Variants in MARCHF1 observed in about 807,000 individuals in gnomAD.
MARCHF1 encodes E3 ubiquitin-protein ligase MARCHF1.
In MARCHF1, 40 loss-of-function variants were observed where a neutral mutation model predicts 54.2. The observed-to-expected ratio is 0.74, with a 90% CI of 0.57 to 0.96. The LOEUF (loss-of-function observed/expected upper bound fraction) is 0.96. Ranked by LOEUF, MARCHF1 falls within the 40% of genes least tolerant of loss-of-function variation. The pLI, the probability that MARCHF1 is intolerant of heterozygous loss-of-function variation, is 0.00. For missense variants in MARCHF1, 586 were observed against 656.5 expected (o/e 0.89, Z 1.17); for synonymous variants, 236 against 236.3 (o/e 1.00, Z 0.01).
At chr4:163,864,605 G>A (rs1750011768) in intron 3 of MARCHF1, among the ~76,000 whole-genome samples, 2 of 151,948 alleles carry the variant, frequency 1.3e-5, no homozygotes, top group South Asian at 4.1e-4. Context: ...CCCTATCACA[G>A]TAAGATGTTA....
intron 5 of MARCHF1, among the ~76,000 whole-genome samples, chr4:163,654,594 A>C (rs1228829946): frequency 6.6e-6 from 1 of 151,592 alleles, no homozygotes; most frequent in Non-Finnish European, 1.5e-5. Flanking sequence ...TTCTCATTCT[A>C]TAGTGTTCCT....
At chr4:163,706,534 T>C (rs145980533) in intron 4 of MARCHF1, among the ~76,000 whole-genome samples, 205 of 152,164 alleles carry the variant, frequency 1.3e-3, no homozygotes, top group African/African-American at 4.7e-3. Flanking sequence ...GGAATAAACT[T>C]AACAAGGACA....
At chr4:164,298,969 G>A (rs1296315376) in intron 1 of MARCHF1, among the ~76,000 whole-genome samples, 1 of 151,936 alleles carries the variant, frequency 6.6e-6, no homozygotes, top group Non-Finnish European at 1.5e-5. Context: ...TAAAATACAG[G>A]TGTATAAAAA....
intron 3 of MARCHF1, among the ~76,000 whole-genome samples, chr4:163,978,310 G>C: frequency 6.6e-6 from 1 of 152,012 alleles, no homozygotes; most frequent in Non-Finnish European, 1.5e-5. Flanking sequence ...CACAATAGAA[G>C]GTATTAATTA....
intron 2 of MARCHF1, among the ~76,000 whole-genome samples, chr4:164,087,566 A>G (rs1277701363): frequency 1.3e-5 from 2 of 152,176 alleles, no homozygotes; most frequent in Non-Finnish European, 2.9e-5. Context: ...TCCGAGGATT[A>G]AAGTCAAATA....
chr4:164,328,033 G>A (rs1437059493), intron 1 of MARCHF1, among the ~76,000 whole-genome samples: 1 of 152,110 alleles, frequency 6.6e-6, no homozygotes. Context: ...TCAGAACCTG[G>A]GCTATATATT....
chr4:163,749,910 T>A (rs1746470656), intron 4 of MARCHF1, among the ~76,000 whole-genome samples: 1 of 148,514 alleles, frequency 6.7e-6, no homozygotes, highest in African/African-American at 2.5e-5. Flanking sequence ...AAAAAAAAAA[T>A]ACAAAAAAAT....
intron 1 of MARCHF1, among the ~76,000 whole-genome samples, chr4:164,336,284 G>A (rs972368502): frequency 8.5e-5 from 13 of 152,148 alleles, no homozygotes; most frequent in Admixed American, 7.9e-4. Flanking sequence ...TGTTATGGTG[G>A]TAAAGTAACA....
intron 2 of MARCHF1, among the ~76,000 whole-genome samples, chr4:164,103,865 C>A: frequency 7.1e-6 from 1 of 140,812 alleles, no homozygotes; most frequent in African/African-American, 3.0e-5. Flanking sequence ...TGATAGACTG[C>A]TAGCAAGACT....
chr4:164,187,745 A>G (rs1164376396), intron 1 of MARCHF1, among the ~76,000 whole-genome samples: 2 of 152,214 alleles, frequency 1.3e-5, no homozygotes, highest in Non-Finnish European at 2.9e-5. Context: ...TAATAAAAAT[A>G]AAGCATAGCC....
At chr4:163,849,186 C>T (rs1047074215) in intron 4 of MARCHF1, among the ~76,000 whole-genome samples, 2 of 152,174 alleles carry the variant, frequency 1.3e-5, no homozygotes, top group African/African-American at 2.4e-5. Flanking sequence ...CCCAGTTTCA[C>T]AAGTTATTAC....
At chr4:164,351,126 C>T (rs577928206) in intron 1 of MARCHF1, among the ~76,000 whole-genome samples, 82 of 152,254 alleles carry the variant, frequency 5.4e-4, no homozygotes, top group African/African-American at 1.9e-3. Context: ...CACGGAATCT[C>T]GCTGATTGCT....
At chr4:164,148,577 T>C (rs372305461) in intron 1 of MARCHF1, among the ~76,000 whole-genome samples, 4 of 152,128 alleles carry the variant, frequency 2.6e-5, no homozygotes, top group African/African-American at 9.7e-5. Context: ...TTCCTTCTGT[T>C]TGAGCCATTG....
At chr4:164,150,457 T>C (rs1180711726) in intron 1 of MARCHF1, among the ~76,000 whole-genome samples, 4 of 152,160 alleles carry the variant, frequency 2.6e-5, no homozygotes, top group African/African-American at 9.7e-5. Context: ...TGGTTTCCTC[T>C]CATGGAGAAC....
intron 1 of MARCHF1, among the ~76,000 whole-genome samples, chr4:164,366,150 T>C (rs1470770204): frequency 6.6e-6 from 1 of 152,048 alleles, no homozygotes; most frequent in Admixed American, 6.6e-5. Context: ...TGACAATATT[T>C]AATGGGGCAC....
At chr4:163,798,659 A>G (rs955817031) in intron 4 of MARCHF1, among the ~76,000 whole-genome samples, 2 of 152,146 alleles carry the variant, frequency 1.3e-5, no homozygotes, top group Non-Finnish European at 2.9e-5. Context: ...ATGAATGGAA[A>G]GAGAAAACAA....
At chr4:164,229,535 G>T (rs966144004) in intron 1 of MARCHF1, among the ~76,000 whole-genome samples, 2 of 152,186 alleles carry the variant, frequency 1.3e-5, no homozygotes, top group Admixed American at 6.5e-5. Flanking sequence ...AGGCTGGAGT[G>T]CAGTGACACA....
At position 164,243,283 on chromosome 4, in the gene MARCHF1, G is replaced by A. The variant is rs1243017401; in HGVS notation, c.-322-131621C>T. 7.4e-3 allele frequency among the ~76,000 whole-genome samples: 1,043 copies of A among 140,746 alleles called. 6 individuals carry two copies. The highest frequency in any genetic ancestry group is 0.017 in the African/African-American group (617 of 37,070). The allele number at this position is 140,746 out of a possible 152,430, so 92.3% of individuals were successfully genotyped here. ...CATCAGACTAACAGCGGATCTCTCG[G>A]CAGAAACCCTACAAGCCAGAAGAGA... On this transcript the variant is annotated intron_variant, in intron 1 of 9. Transcript: ENST00000514618.
At chr4:163,944,768 CTT>C (rs781201816) in intron 3 of MARCHF1, among the ~76,000 whole-genome samples, 1 of 152,144 alleles carries the variant, frequency 6.6e-6, no homozygotes, top group Non-Finnish European at 1.5e-5. Context: ...GGGCATGAAT[CTT>C]TTAACCAGAA....
Sources: gnomAD v4.1 joint callset for allele counts (sites outside exome capture counted in the v4.1 genomes callset) on GRCh38, gnomAD v4.1.1 for gene constraint, MANE v1.5 for transcripts, NCBI Gene and HGNC (gene_info 2026-07-23, HGNC 2026-07-21) for gene names.